ACVR1: variants seen among roughly 807,000 people sequenced by gnomAD.
ACVR1 encodes the protein activin receptor type-1.
In ACVR1, 38 loss-of-function variants were observed where a neutral mutation model predicts 57.1. The ratio of observed to expected loss-of-function variants is 0.67; its 90% CI spans 0.51 to 0.87. The LOEUF (loss-of-function observed/expected upper bound fraction) is 0.87. Among genes scored for constraint, ACVR1 ranks in the 40% least tolerant of loss-of-function variants. The pLI is 0.00. For missense variants in ACVR1, 463 were observed against 638.2 expected (o/e 0.73, Z 2.96); for synonymous variants, 212 against 228.1 (o/e 0.93, Z 0.63).
intron 1 of ACVR1, among the ~76,000 whole-genome samples, chr2:157,832,135 CA>C (rs1688601055): frequency 6.6e-6 from 1 of 152,084 alleles, no homozygotes; most frequent in South Asian, 2.1e-4. Flanking sequence ...TGAACCTAGG[CA>C]TGTTACTTCC....
intron 1 of ACVR1, among the ~76,000 whole-genome samples, chr2:157,852,935 G>A (rs1475979103): frequency 6.6e-6 from 1 of 152,102 alleles, no homozygotes; most frequent in Non-Finnish European, 1.5e-5. Flanking sequence ...GGGCATCAGT[G>A]GATTACTTTA....
At chr2:157,753,659 T>G (rs1182687596) in intron 9 of ACVR1, among the ~76,000 whole-genome samples, 1 of 152,042 alleles carries the variant, frequency 6.6e-6, no homozygotes, top group Non-Finnish European at 1.5e-5. Flanking sequence ...AACACAATAA[T>G]AATGGGGGAC....
intron 2 of ACVR1, chr2:157,806,619 G>A (rs1024573321): frequency 6.6e-6 from 1 of 152,168 alleles, no homozygotes; most frequent in Non-Finnish European, 1.5e-5. Context: ...TGCTCAAAAG[G>A]CAATGAGCTA....
In ACVR1 at chr2:157,736,708, A is replaced by G. The variant is rs1684546078; in HGVS notation, c.*823T>C. On this transcript the variant is annotated 3_prime_UTR_variant, in exon 11 of 11. Coordinates refer to ENST00000434821, the MANE Select transcript of ACVR1 (RefSeq NM_001111067.4). ...GAACTGAAAAAAAGTTACAGTCTAC[A>G]CACATACAAATGTGAAGCACTTAAA... 1 of 338,918 alleles carries G rather than the reference A, an allele frequency of 3.0e-6. No individual in the cohort carries two copies. The highest frequency in any genetic ancestry group is 5.4e-6 in the Non-Finnish European group (1 of 184,216). The allele number at this position is 338,918 out of a possible 1,614,324, so 21.0% of individuals were successfully genotyped here.
chr2:157,848,421 C>A (rs1011992011), intron 1 of ACVR1, among the ~76,000 whole-genome samples: 8 of 152,186 alleles, frequency 5.3e-5, no homozygotes, highest in Non-Finnish European at 1.2e-4. Flanking sequence ...GCTGAGCTCC[C>A]AGCCAACAGC....
intron 2 of ACVR1, among the ~76,000 whole-genome samples, chr2:157,800,902 C>T (rs944475833): frequency 1.3e-5 from 2 of 152,140 alleles, no homozygotes; most frequent in South Asian, 2.1e-4. Context: ...CTCCACCCCT[C>T]TCCAACCCCA....
chr2:157,783,812 C>T (rs1686614383), intron 3 of ACVR1, among the ~76,000 whole-genome samples: 1 of 152,134 alleles, frequency 6.6e-6, no homozygotes, highest in South Asian at 2.1e-4. Context: ...TGTATATTCC[C>T]ATATAACTAA....
chr2:157,801,065 T>G (rs2105308037), intron 2 of ACVR1, among the ~76,000 whole-genome samples: 1 of 152,308 alleles, frequency 6.6e-6, no homozygotes, highest in East Asian at 1.9e-4. Context: ...AAAACAGGTA[T>G]GCACATCCAA....
At chr2:157,814,770 A>G (rs1044896797) in intron 2 of ACVR1, among the ~76,000 whole-genome samples, 8 of 152,126 alleles carry the variant, frequency 5.3e-5, no homozygotes, top group African/African-American at 1.9e-4. Flanking sequence ...CATCTCTACA[A>G]TGGAATACCA....
chr2:157,799,311 T>C (rs1687238106), intron 3 of ACVR1, 116 bp downstream of exon 3: 1 of 709,914 alleles, frequency 1.4e-6, no homozygotes, highest in Non-Finnish European at 2.5e-6. Context: ...AATCACCAAA[T>C]ATTTATTATA....
At position 157,875,801 on chromosome 2, in the gene ACVR1, G is replaced by A. The variant is rs1690268893; in HGVS notation, c.-188C>T. 6.6e-6 allele frequency: 1 copy of A among 151,656 alleles called. No homozygotes were observed. Among genetic ancestry groups the A allele is most frequent in the South Asian group, 1.8e-4 (1 of 5,538 alleles). 9.4% of individuals were successfully genotyped at this position (151,656 alleles called of 1,614,324 possible). A position where few individuals can be genotyped will look rare whatever the true frequency, so the allele number is the denominator to read the frequency against. ...GGCCGGCGACCTGCGCTCACCTCGG[G>A]TCCCGCCGCGGCCGGGGGCTGAGCC... On this transcript the variant is annotated 5_prime_UTR_variant, in exon 1 of 11. Transcript: ENST00000434821.
At chr2:157,769,449 A>G (rs1469035033) in intron 7 of ACVR1, among the ~76,000 whole-genome samples, 1 of 152,238 alleles carries the variant, frequency 6.6e-6, no homozygotes, top group Non-Finnish European at 1.5e-5. Context: ...GAAATCAACT[A>G]CAGAAACTGA....
chr2:157,872,273 C>T (rs1690137530), intron 1 of ACVR1, among the ~76,000 whole-genome samples: 1 of 152,222 alleles, frequency 6.6e-6, no homozygotes, highest in Non-Finnish European at 1.5e-5. Flanking sequence ...TTCCCAGCCT[C>T]ACCAGTTTAA....
chr2:157,867,498 G>C (rs1234876771), intron 1 of ACVR1, among the ~76,000 whole-genome samples: 1 of 152,184 alleles, frequency 6.6e-6, no homozygotes, highest in Non-Finnish European at 1.5e-5. Context: ...GATGAACTGA[G>C]ACAGTAGCAG....
chr2:157,840,015 G>T (rs72925217), intron 1 of ACVR1, among the ~76,000 whole-genome samples: 3 of 152,126 alleles, frequency 2.0e-5, no homozygotes, highest in Non-Finnish European at 4.4e-5. Context: ...CTGGATTCCA[G>T]GGTGTGACGT....
chr2:157,758,321 T>A (rs1027995747), intron 9 of ACVR1, among the ~76,000 whole-genome samples: 2 of 151,970 alleles, frequency 1.3e-5, no homozygotes. Flanking sequence ...AGATACTCAA[T>A]ACCACAGTTC....
chr2:157,860,173 A>G (rs1689674220), intron 1 of ACVR1: 1 of 152,222 alleles, frequency 6.6e-6, no homozygotes, highest in South Asian at 2.1e-4. Flanking sequence ...AAGAAGGCTG[A>G]GCCCACCTAA....
chr2:157,837,193 A>G (rs1688812544), intron 1 of ACVR1, among the ~76,000 whole-genome samples: 2 of 152,260 alleles, frequency 1.3e-5, no homozygotes, highest in South Asian at 4.1e-4. Context: ...CTCACATGTA[A>G]CAGAGGCAGA....
At chr2:157,836,173 G>A (rs757635694) in intron 1 of ACVR1, among the ~76,000 whole-genome samples, 1 of 152,226 alleles carries the variant, frequency 6.6e-6, no homozygotes, top group Non-Finnish European at 1.5e-5. Context: ...CTCAGAGCAG[G>A]CTCTCTACTT....
Sources: allele counts gnomAD v4.1 joint callset (sites outside exome capture counted in the v4.1 genomes callset), GRCh38; gene constraint gnomAD v4.1.1; transcripts MANE v1.5; gene names NCBI Gene and HGNC (gene_info 2026-07-23, HGNC 2026-07-21).